The following STS variants were observed in gnomAD, a reference collection of about 807,000 sequenced individuals.
STS encodes the protein steryl-sulfatase.
In STS, 7 loss-of-function variants were observed where a neutral mutation model predicts 26.8. The observed-to-expected ratio is 0.26, with a 90% confidence interval of 0.15 to 0.49. The LOEUF (loss-of-function observed/expected upper bound fraction) is 0.49, where lower values mean the gene tolerates loss of function less well. STS is among the 20% of genes least tolerant of loss of function. The probability of loss-of-function intolerance (pLI) is 0.98; values close to 1 mark genes in which losing one functional copy is unlikely to be tolerated. For missense variants in STS, 434 were observed against 465.6 expected, an observed-to-expected ratio of 0.93 and a Z score of 0.63; for synonymous variants, 199 against 189.4, an observed-to-expected ratio of 1.05 and a Z score of -0.42.
intron 9 of STS, among the ~76,000 whole-genome samples, chrX:7,327,887 G>T (rs1233301806): frequency 5.4e-5 from 6 of 112,108 alleles, no homozygotes; most frequent in Non-Finnish European, 1.1e-4. Flanking sequence ...TGAGGTAGTA[G>T]TCAGATGTAC....
chrX:7,350,249 A>G lies in STS; in HGVS notation c.1725A>G (p.Arg575=). The change falls in exon 11 of 11, where the codon AGA becomes AGG. Residue 575 remains arginine (R), a synonymous_variant. Transcript: ENST00000674429. ...GTGATAGAGAAAAACAGGATAAGAG[A>G]CTGAGCCGCTAGCAGCGCCTGGGGA... The part of the protein sequence containing the change: ...CQCDREKQDK[R]LSR 1 of 1,208,598 alleles carries G rather than the reference A, an allele frequency of 8.3e-7. No individual in the cohort carries two copies. The highest frequency in any genetic ancestry group is 1.7e-5 in the African/African-American group (1 of 57,778).
intron 1 of STS, among the ~76,000 whole-genome samples, chrX:7,178,270 C>T (rs1490845679): frequency 8.9e-6 from 1 of 112,270 alleles, no homozygotes; most frequent in Non-Finnish European, 1.9e-5. Context: ...TTTGCCCTTT[C>T]CCTTGATTGT....
rs777181062 is a variant in STS at position 7,227,181 on chromosome X, T to C, written c.-4-26015T>C. Among the ~76,000 whole-genome samples, 5 of 112,144 alleles carry C rather than the reference T, an allele frequency of 4.5e-5. No homozygotes were observed. The East Asian group carries it at 1.1e-3, about 25-fold the overall frequency. ...TGATTTGTTCTTTACATATTCTGGATATAAATCCTTTAAAAAATAATTGTC... is the reference window on the plus strand; with the variant it reads ...TGATTTGTTCTTTACATATTCTGGACATAAATCCTTTAAAAAATAATTGTC... On this transcript the variant is annotated intron_variant, in intron 2 of 10. Transcript: ENST00000674429.
intron 1 of STS, among the ~76,000 whole-genome samples, chrX:7,149,047 A>T (rs1223181714): frequency 2.7e-5 from 3 of 109,819 alleles, no homozygotes; most frequent in Non-Finnish European, 5.7e-5. Context: ...AAGGAAAAGG[A>T]TTGGACCTTT....
At chrX:7,200,351 G>A (rs988435888) in intron 2 of STS, among the ~76,000 whole-genome samples, 2 of 110,860 alleles carry the variant, frequency 1.8e-5, no homozygotes, top group Admixed American at 9.7e-5. Context: ...TTGAAATCCC[G>A]TATATTAACT....
At chrX:7,246,827 A>G (rs1922906268) in intron 2 of STS, among the ~76,000 whole-genome samples, 1 of 112,853 alleles carries the variant, frequency 8.9e-6, no homozygotes, top group Non-Finnish European at 1.9e-5. Flanking sequence ...TAATTTTATG[A>G]TGAGATAAGG....
intron 10 of STS, among the ~76,000 whole-genome samples, chrX:7,337,676 A>G (rs1928098177): frequency 8.9e-6 from 1 of 112,511 alleles, no homozygotes; most frequent in Non-Finnish European, 1.9e-5. Flanking sequence ...TCGTTCAGAA[A>G]TCTTGCCAGC....
chrX:7,292,865 G>A (rs1353713682), intron 7 of STS, among the ~76,000 whole-genome samples: 1 of 110,928 alleles, frequency 9.0e-6, no homozygotes, highest in African/African-American at 3.3e-5. Flanking sequence ...GTCTAGTTAG[G>A]ACTGAAGATG....
chrX:7,156,864 T>A (rs1341540143), intron 1 of STS, among the ~76,000 whole-genome samples: 1 of 112,042 alleles, frequency 8.9e-6, no homozygotes, highest in African/African-American at 3.2e-5. Context: ...ATAGGAGGAA[T>A]TCTGGGGTTT....
At chrX:7,199,957 C>T (rs1934039238) in intron 2 of STS, among the ~76,000 whole-genome samples, 1 of 110,591 alleles carries the variant, frequency 9.0e-6, no homozygotes, top group Non-Finnish European at 1.9e-5. Flanking sequence ...GTATGTGAAG[C>T]ACATTTAATA....
chrX:7,247,450 T>C (rs11095437), intron 2 of STS, among the ~76,000 whole-genome samples: 22,145 of 111,308 alleles, frequency 0.2, 2,059 homozygotes, highest in Admixed American at 0.39. Flanking sequence ...AAAAATATCA[T>C]GCTTCTCAAA....
At chrX:7,283,393 C>A (rs1276658444) in intron 7 of STS, among the ~76,000 whole-genome samples, 1 of 111,953 alleles carries the variant, frequency 8.9e-6, no homozygotes, top group Non-Finnish European at 1.9e-5. Context: ...ACGAGTACTT[C>A]AGAGACATCA....
At chrX:7,272,803 A>G (rs1924349475) in intron 6 of STS, among the ~76,000 whole-genome samples, 1 of 111,608 alleles carries the variant, frequency 9.0e-6, no homozygotes, top group African/African-American at 3.3e-5. Context: ...GAGCACATAA[A>G]GAGCTCTGGT....
At chrX:7,307,130 T>G (rs1926256572) in intron 8 of STS, among the ~76,000 whole-genome samples, 1 of 111,035 alleles carries the variant, frequency 9.0e-6, no homozygotes, top group African/African-American at 3.3e-5. Flanking sequence ...TGCTCAGACC[T>G]CCTCCCAGCC....
At chrX:7,346,567 A>C (rs1488427334) in intron 10 of STS, among the ~76,000 whole-genome samples, 1 of 111,542 alleles carries the variant, frequency 9.0e-6, no homozygotes, top group Non-Finnish European at 1.9e-5. Context: ...AAATGAGTCT[A>C]AGTTCCCAGT....
chrX:7,238,018 T>C (rs1922401680), intron 2 of STS, among the ~76,000 whole-genome samples: 1 of 110,672 alleles, frequency 9.0e-6, no homozygotes, highest in Admixed American at 9.6e-5. Context: ...GCACATTGTT[T>C]ACATGTCTTC....
chrX:7,205,418 G>C (rs770131374), intron 2 of STS, among the ~76,000 whole-genome samples: 5 of 111,500 alleles, frequency 4.5e-5, no homozygotes, highest in East Asian at 2.8e-4. Flanking sequence ...TAGGCATGAA[G>C]GCTTTCTCCC....
intron 7 of STS, among the ~76,000 whole-genome samples, chrX:7,303,975 T>A (rs1193052922): frequency 8.9e-6 from 1 of 112,134 alleles, no homozygotes; most frequent in Non-Finnish European, 1.9e-5. Context: ...TGCATTCTTT[T>A]GAATAAGACA....
chrX:7,180,743 G>C (rs1466440212), intron 1 of STS, among the ~76,000 whole-genome samples: 1 of 112,386 alleles, frequency 8.9e-6, no homozygotes, highest in African/African-American at 3.2e-5. Context: ...GTAATTCATA[G>C]AAGTCGTCAG....
Sources: allele counts gnomAD v4.1 joint callset (sites outside exome capture counted in the v4.1 genomes callset), GRCh38; gene constraint gnomAD v4.1.1; transcripts MANE v1.5; gene names NCBI Gene and HGNC (gene_info 2026-07-23, HGNC 2026-07-21).